UMAD1: variants seen among roughly 807,000 people sequenced by gnomAD.
UMAD1 encodes the protein UBAP1-MVB12-associated (UMA) domain containing 1.
A neutral mutation model predicts 6.1 loss-of-function variants in UMAD1; 8 were observed. The observed-to-expected ratio is 1.30, with a 90% CI of 0.76 to 2.35. The LOEUF is 2.35. Ranked by LOEUF, UMAD1 falls within the 30% of genes most tolerant of loss-of-function variation. The pLI, the probability that UMAD1 is intolerant of heterozygous loss-of-function variation, is 0.00. For missense variants in UMAD1, 130 were observed against 78.4 expected (o/e 1.66, Z -2.49); for synonymous variants, 56 against 31.4 (o/e 1.78, Z -2.61).
intron 2 of UMAD1, chr7:7,742,450 CT>C: frequency 5.5e-6 from 3 of 543,188 alleles, no homozygotes; most frequent in South Asian, 2.8e-5. Context: ...TTTTCTTTTT[CT>C]TTTTTTGTGG....
chr7:7,772,702 C>G (rs905314932), intron 2 of UMAD1, among the ~76,000 whole-genome samples: 1 of 152,130 alleles, frequency 6.6e-6, no homozygotes, highest in Non-Finnish European at 1.5e-5. Context: ...AGTAGAGGTG[C>G]CTGCCTCGTG....
rs116059579 is a variant in UMAD1 at position 7,772,153 on chromosome 7, T to G, written c.83-29517T>G. Among the ~76,000 whole-genome samples, 435 of 152,348 alleles carry G rather than the reference T, an allele frequency of 2.9e-3. 3 individuals are homozygous for G. The highest frequency in any genetic ancestry group is 9.9e-3 in the African/African-American group (412 of 41,574). On this transcript the variant is annotated intron_variant, in intron 2 of 3. Coordinates refer to ENST00000682710, the MANE Select transcript of UMAD1 (RefSeq NM_001302348.2). ...TTCTTAACAAACTTGTGTCAATCAT[T>G]TTAGCTATTATTAGATTTCCAGTAA... is the stretch of plus-strand genomic sequence containing the variant.
At chr7:7,849,092 A>G (rs1357900831) in intron 3 of UMAD1, among the ~76,000 whole-genome samples, 1 of 152,156 alleles carries the variant, frequency 6.6e-6, no homozygotes, top group East Asian at 1.9e-4. Context: ...TTCATTGTAG[A>G]GAGTGAGGTA....
chr7:7,873,930 C>G (rs1040858762), intron 3 of UMAD1, among the ~76,000 whole-genome samples: 1 of 152,152 alleles, frequency 6.6e-6, no homozygotes, highest in African/African-American at 2.4e-5. Flanking sequence ...ATTTTCTCTC[C>G]ACTTTCTCCA....
At chr7:7,793,705 A>G (rs946226699) in intron 2 of UMAD1, among the ~76,000 whole-genome samples, 1 of 152,210 alleles carries the variant, frequency 6.6e-6, no homozygotes. Context: ...GGCAGCCATG[A>G]AAAAACATTG....
Position 7,716,856 on chromosome 7 carries a change from G to A in UMAD1, c.82+43403G>A, listed in dbSNP as rs185834840. Reference sequence around the variant, plus strand: ...AGCTACTCGGGAGCCTGAGGCAGGAGAATGGCGTGAACCTGGGAGGCGGAG... The same window carrying A: ...AGCTACTCGGGAGCCTGAGGCAGGAAAATGGCGTGAACCTGGGAGGCGGAG... On this transcript the variant is annotated intron_variant, in intron 2 of 3. Coordinates refer to ENST00000682710, the MANE Select transcript of UMAD1 (RefSeq NM_001302348.2). Among the ~76,000 whole-genome samples, 428 of 152,236 alleles carry A rather than the reference G, an allele frequency of 2.8e-3. 2 individuals are homozygous for A. Among genetic ancestry groups the A allele is most frequent in the Middle Eastern group, 0.01 (3 of 294 alleles).
intron 2 of UMAD1, chr7:7,738,550 T>C (rs1781403972): frequency 6.6e-6 from 1 of 152,270 alleles, no homozygotes; most frequent in Non-Finnish European, 1.5e-5. Flanking sequence ...TAAATGAACT[T>C]TATTTGTCCT....
intron 3 of UMAD1, among the ~76,000 whole-genome samples, chr7:7,806,258 C>A (rs1399764020): frequency 2.1e-5 from 3 of 139,548 alleles, no homozygotes; most frequent in Non-Finnish European, 4.7e-5. Context: ...TTTTTTTTTA[C>A]TTCCCCCCTC....
chr7:7,660,449 C>G (rs12702632), intron 1 of UMAD1, among the ~76,000 whole-genome samples: 20,600 of 152,184 alleles, frequency 0.14, 1,712 homozygotes, highest in Middle Eastern at 0.24. Context: ...CCTGTTGTTC[C>G]TTTCCATGTT....
At chr7:7,752,472 A>G (rs1403258215) in intron 2 of UMAD1, among the ~76,000 whole-genome samples, 2 of 152,154 alleles carry the variant, frequency 1.3e-5, no homozygotes, top group Non-Finnish European at 2.9e-5. Context: ...TAGTTGCCAC[A>G]TATGAAACTT....
intron 3 of UMAD1, among the ~76,000 whole-genome samples, chr7:7,813,510 T>G (rs1239529065): frequency 6.6e-6 from 1 of 152,196 alleles, no homozygotes. Context: ...AGCCCCTTTT[T>G]CTGCCTTTTT....
chr7:7,854,614 C>T (rs1783980630), intron 3 of UMAD1, among the ~76,000 whole-genome samples: 1 of 152,098 alleles, frequency 6.6e-6, no homozygotes, highest in Non-Finnish European at 1.5e-5. Flanking sequence ...CTTCCCACAA[C>T]ACTTGGATGT....
intron 2 of UMAD1, among the ~76,000 whole-genome samples, chr7:7,799,712 T>C (rs1254624303): frequency 2.0e-5 from 3 of 152,242 alleles, no homozygotes; most frequent in Non-Finnish European, 4.4e-5. Flanking sequence ...TGTGGTCTCA[T>C]GCCTGTAGCT....
chr7:7,847,101 AAAAAT>A (rs1563255739), intron 3 of UMAD1, among the ~76,000 whole-genome samples: 5 of 32,180 alleles, frequency 1.6e-4, no homozygotes, highest in Non-Finnish European at 2.5e-4. Flanking sequence ...AAAAAAAAAA[AAAAAT>A]ATATATATAT....
intron 3 of UMAD1, among the ~76,000 whole-genome samples, chr7:7,864,071 T>C (rs1299671386): frequency 6.6e-6 from 1 of 152,248 alleles, no homozygotes; most frequent in Non-Finnish European, 1.5e-5. Context: ...GCATCTTTTG[T>C]TATCCATAAC....
chr7:7,796,688 A>G (rs1454822184), intron 2 of UMAD1, among the ~76,000 whole-genome samples: 3 of 152,186 alleles, frequency 2.0e-5, no homozygotes, highest in Non-Finnish European at 2.9e-5. Flanking sequence ...TTGGTGAAGA[A>G]TTACTTAAGC....
chr7:7,817,554 T>G (rs1783155355), intron 3 of UMAD1, among the ~76,000 whole-genome samples: 1 of 152,172 alleles, frequency 6.6e-6, no homozygotes, highest in African/African-American at 2.4e-5. Flanking sequence ...TTCTGTTAGT[T>G]TTTCAGGTTA....
At chr7:7,673,274 T>C (rs922291131) in intron 1 of UMAD1, 35 bp from the exon 2 acceptor site, 16 of 1,103,156 alleles carry the variant, frequency 1.5e-5, no homozygotes, top group Middle Eastern at 1.9e-4. Context: ...TACAGTTGCA[T>C]CTGAATTTGA....
chr7:7,817,622 G>A (rs1004392899), intron 3 of UMAD1, among the ~76,000 whole-genome samples: 1 of 152,072 alleles, frequency 6.6e-6, no homozygotes, highest in African/African-American at 2.4e-5. Context: ...AAATCCTAAA[G>A]TGACTCTTGC....
Sources: gnomAD v4.1 joint callset for allele counts (sites outside exome capture counted in the v4.1 genomes callset) on GRCh38, gnomAD v4.1.1 for gene constraint, MANE v1.5 for transcripts, NCBI Gene and HGNC (gene_info 2026-07-23, HGNC 2026-07-21) for gene names.